Variants in ARB2A observed in about 807,000 individuals in gnomAD.
ARB2A encodes the protein cotranscriptional regulator ARB2A.
At chr5:94,098,857 C>A in the ARB2A span, among the ~76,000 whole-genome samples, 1 of 152,154 alleles carries the variant, frequency 6.6e-6, no homozygotes, top group African/African-American at 2.4e-5. Context: ...CACCTCTACG[C>A]AAACAAACTA....
chr5:93,770,653 T>C, the ARB2A span, among the ~76,000 whole-genome samples: 849 of 152,258 alleles, frequency 5.6e-3, 6 homozygotes, highest in Middle Eastern at 0.027. Flanking sequence ...AGCATTCTTA[T>C]ACACCAATAA....
At chr5:94,004,059 G>A in the ARB2A span, among the ~76,000 whole-genome samples, 2 of 152,088 alleles carry the variant, frequency 1.3e-5, no homozygotes, top group East Asian at 1.9e-4. Context: ...ACTAATTTCT[G>A]ACAAAGCTAT....
At chr5:93,831,388 T>C in the ARB2A span, among the ~76,000 whole-genome samples, 1 of 152,100 alleles carries the variant, frequency 6.6e-6, no homozygotes, top group Admixed American at 6.6e-5. Context: ...TAAAACTATC[T>C]TTCTAGCTTT....
At chr5:93,886,836 A>T in the ARB2A span, among the ~76,000 whole-genome samples, 1 of 151,730 alleles carries the variant, frequency 6.6e-6, no homozygotes, top group Admixed American at 6.6e-5. Context: ...ATATTTTGTA[A>T]AATGTTCTCA....
At chr5:93,647,093 T>C in the ARB2A span, among the ~76,000 whole-genome samples, 4 of 152,294 alleles carry the variant, frequency 2.6e-5, no homozygotes, top group African/African-American at 7.2e-5. Context: ...GTAACTACAG[T>C]ATAGTTATCA....
chr5:93,828,859 C>T, the ARB2A span, among the ~76,000 whole-genome samples: 1 of 152,134 alleles, frequency 6.6e-6, no homozygotes, highest in East Asian at 1.9e-4. Flanking sequence ...TCACTGCAAC[C>T]TCTGCTTCCC....
At chr5:93,777,731 C>T in the ARB2A span, among the ~76,000 whole-genome samples, 1 of 152,174 alleles carries the variant, frequency 6.6e-6, no homozygotes, top group South Asian at 2.1e-4. Context: ...TGGAAAGATC[C>T]TTGACTGGTA....
chr5:93,922,536 G>A, the ARB2A span, among the ~76,000 whole-genome samples: 6 of 145,342 alleles, frequency 4.1e-5, no homozygotes, highest in Admixed American at 6.9e-5. Flanking sequence ...TTAGCCAGGC[G>A]TGATGGCGGG....
chr5:93,928,646 T>TA, the ARB2A span, among the ~76,000 whole-genome samples: 1 of 152,176 alleles, frequency 6.6e-6, no homozygotes, highest in Admixed American at 6.5e-5. Context: ...TCGTAAGAGT[T>TA]AAGTAATCTA....
the ARB2A span, among the ~76,000 whole-genome samples, chr5:93,970,131 T>C: frequency 1.3e-5 from 2 of 152,142 alleles, no homozygotes; most frequent in African/African-American, 4.8e-5. Flanking sequence ...AACTGTTATT[T>C]TACAACTTTA....
At chr5:93,706,721 CCAGGCGTGGTGGCTCATGCCTA>C in the ARB2A span, among the ~76,000 whole-genome samples, 1 of 152,030 alleles carries the variant, frequency 6.6e-6, no homozygotes, top group Non-Finnish European at 1.5e-5. Flanking sequence ...AAAAAGTTAG[CCAGGCGTGGTGGCTCATGCCTA>C]CAGTCCCAGC....
chr5:93,717,937 C>T, the ARB2A span, among the ~76,000 whole-genome samples: 60 of 151,222 alleles, frequency 4.0e-4, no homozygotes, highest in South Asian at 2.1e-4. Context: ...CGGATTCAAG[C>T]GATTCTCCTG....
the ARB2A span, among the ~76,000 whole-genome samples, chr5:93,794,471 T>G: frequency 6.6e-6 from 1 of 152,128 alleles, no homozygotes; most frequent in Non-Finnish European, 1.5e-5. Context: ...TGAGCTGGTA[T>G]GATCTCTTGG....
chr5:93,849,490 A>G, the ARB2A span, among the ~76,000 whole-genome samples: 1 of 152,082 alleles, frequency 6.6e-6, no homozygotes, highest in Non-Finnish European at 1.5e-5. Flanking sequence ...CGCAGGATAC[A>G]TATCTTCTAC....
chr5:94,079,011 C>T, the ARB2A span, among the ~76,000 whole-genome samples: 2 of 152,022 alleles, frequency 1.3e-5, no homozygotes, highest in Non-Finnish European at 2.9e-5. Context: ...GCTCAAACTG[C>T]CAGAATACCA....
the ARB2A span, among the ~76,000 whole-genome samples, chr5:93,904,047 G>C: frequency 6.6e-6 from 1 of 151,690 alleles, no homozygotes; most frequent in Non-Finnish European, 1.5e-5. Flanking sequence ...GATTTAAAAA[G>C]AAATTCTAAC....
the ARB2A span, among the ~76,000 whole-genome samples, chr5:94,104,921 G>A: frequency 2.0e-5 from 3 of 151,972 alleles, no homozygotes; most frequent in Non-Finnish European, 2.9e-5. Context: ...CTCAATAGGT[G>A]CAGAAAAGGC....
the ARB2A span, among the ~76,000 whole-genome samples, chr5:93,898,272 TTTTTGTTTTG>T: frequency 6.6e-5 from 10 of 152,060 alleles, no homozygotes; most frequent in African/African-American, 1.7e-4. Flanking sequence ...CCTTACTATC[TTTTTGTTTTG>T]TTTTGTTTTG....
At chr5:94,033,344 T>C in the ARB2A span, among the ~76,000 whole-genome samples, 4 of 152,066 alleles carry the variant, frequency 2.6e-5, no homozygotes, top group Non-Finnish European at 5.9e-5. Flanking sequence ...ACATGAGACT[T>C]TGGAATTTGG....
Sources: gnomAD v4.1 joint callset for allele counts (sites outside exome capture counted in the v4.1 genomes callset) on GRCh38, gnomAD v4.1.1 for gene constraint, MANE v1.5 for transcripts, NCBI Gene and HGNC (gene_info 2026-07-23, HGNC 2026-07-21) for gene names.